GOLGA4: variants seen among roughly 807,000 people sequenced by gnomAD.
GOLGA4 encodes the protein golgin A4, also known as golgin subfamily A member 4.
GOLGA4 carries 169 observed loss-of-function variants against 265.9 expected under a neutral mutation model. That is an observed-to-expected ratio of 0.64 (90% CI 0.56 to 0.72). The LOEUF (loss-of-function observed/expected upper bound fraction) is 0.72, where lower values mean the gene tolerates loss of function less well. Among genes scored for constraint, GOLGA4 ranks in the 30% least tolerant of loss-of-function variants. The pLI, the probability that GOLGA4 is intolerant of heterozygous loss-of-function variation, is 0.00. For missense variants in GOLGA4, 2,482 were observed against 2,483.4 expected (o/e 1.00, Z 0.01); for synonymous variants, 923 against 855.8 (o/e 1.08, Z -1.37).
intron 10 of GOLGA4, among the ~76,000 whole-genome samples, chr3:37,315,215 G>C (rs2096934289): frequency 6.6e-6 from 1 of 152,166 alleles, no homozygotes; most frequent in Non-Finnish European, 1.5e-5. Flanking sequence ...TCCTAATCCA[G>C]AACTCAGTGA....
At chr3:37,341,964 C>T (rs2097036587) in intron 20 of GOLGA4, among the ~76,000 whole-genome samples, 1 of 152,078 alleles carries the variant, frequency 6.6e-6, no homozygotes, top group South Asian at 2.1e-4. Context: ...GATAATATAG[C>T]TTATCTGCTC....
intron 1 of GOLGA4, among the ~76,000 whole-genome samples, chr3:37,247,566 G>A (rs1384590457): frequency 6.6e-6 from 1 of 152,196 alleles, no homozygotes; most frequent in Non-Finnish European, 1.5e-5. Context: ...GACTGGATTA[G>A]TTTTCTAATA....
At chr3:37,281,921 A>G (rs781117347) in intron 2 of GOLGA4, 37 bp from the exon 3 acceptor site, 63 of 1,479,694 alleles carry the variant, frequency 4.3e-5, no homozygotes, top group Non-Finnish European at 5.8e-5. Context: ...AAATGTATGT[A>G]TTTTAATCCA....
At chr3:37,253,824 A>G (rs2096740554) in intron 2 of GOLGA4, among the ~76,000 whole-genome samples, 1 of 152,032 alleles carries the variant, frequency 6.6e-6, no homozygotes, top group African/African-American at 2.4e-5. Flanking sequence ...GGAGTTCGAG[A>G]CCAGCCTGAT....
chr3:37,296,912 C>T (rs2096880003), intron 7 of GOLGA4, among the ~76,000 whole-genome samples: 1 of 152,154 alleles, frequency 6.6e-6, no homozygotes. Context: ...TAGTCTGTAA[C>T]ACCACATTTT....
chr3:37,278,149 C>T (rs1045816244), intron 2 of GOLGA4, among the ~76,000 whole-genome samples: 1 of 146,646 alleles, frequency 6.8e-6, no homozygotes, highest in Non-Finnish European at 1.5e-5. Context: ...TGTTGTTAAA[C>T]ATAAAAAAAA....
intron 1 of GOLGA4, among the ~76,000 whole-genome samples, chr3:37,247,611 T>C (rs2096723004): frequency 6.6e-6 from 1 of 152,218 alleles, no homozygotes; most frequent in Admixed American, 6.5e-5. Flanking sequence ...TAGTGCCTAA[T>C]AACCCAGTTA....
chr3:37,247,955 C>T (rs2096723933), intron 1 of GOLGA4, among the ~76,000 whole-genome samples: 1 of 152,170 alleles, frequency 6.6e-6, no homozygotes, highest in Non-Finnish European at 1.5e-5. Flanking sequence ...TTAGTTTAGA[C>T]CCATCCAGGT....
intron 1 of GOLGA4, among the ~76,000 whole-genome samples, chr3:37,249,514 T>C (rs1213065593): frequency 6.6e-6 from 1 of 152,084 alleles, no homozygotes; most frequent in Admixed American, 6.5e-5. Flanking sequence ...GTTGAAGCAA[T>C]TCTCCTGCCT....
chr3:37,302,638 T>G lies in GOLGA4; in HGVS notation c.1234+306T>G, dbSNP rs147245658. The G allele has an allele frequency of 3.4e-3, 788 of 231,078 alleles. 10 individuals are homozygous for G. Among genetic ancestry groups the G allele is most frequent in the African/African-American group, 0.017 (748 of 43,538 alleles). The allele number at this position is 231,078 out of a possible 1,614,324, so 14.3% of individuals were successfully genotyped here. A position where few individuals can be genotyped will look rare whatever the true frequency, so the allele number is the denominator to read the frequency against. ...TGTGGTCTACAAAACCTAAAATATT[T>G]ATCATCTGGCCCCTTACAGAAAATG... On this transcript the variant is annotated intron_variant, in intron 10 of 23. Coordinates refer to ENST00000361924, the MANE Select transcript of GOLGA4 (RefSeq NM_002078.5).
chr3:37,361,178 A>C, intron 22 of GOLGA4, 65 bp from the exon 23 acceptor site: 3 of 1,182,700 alleles, frequency 2.5e-6, no homozygotes, highest in Non-Finnish European at 3.8e-6. Flanking sequence ...ATACACATAC[A>C]ATCTATGTGT....
intron 2 of GOLGA4, among the ~76,000 whole-genome samples, chr3:37,262,234 G>A (rs921583705): frequency 2.1e-4 from 32 of 152,156 alleles, no homozygotes; most frequent in Admixed American, 1.4e-3. Context: ...GGCCGGGCGT[G>A]GTGGCTCACG....
At chr3:37,271,470 A>C (rs2096798402) in intron 2 of GOLGA4, among the ~76,000 whole-genome samples, 1 of 152,214 alleles carries the variant, frequency 6.6e-6, no homozygotes, top group Non-Finnish European at 1.5e-5. Context: ...TATTAGGGAA[A>C]AGTTGAAACA....
Position 37,325,954 on chromosome 3 carries a change from A to G in GOLGA4, c.4068A>G (p.Thr1356=), listed in dbSNP as rs763126897. Residue 1356 remains threonine, a synonymous_variant, in exon 14 of 24, where the codon ACA becomes ACG. Transcript: ENST00000361924. ...KELSENINAV[T]LMKEELKEKK... is the part of the protein sequence containing the mutation. Reference sequence around the variant, plus strand: ...TATCTGAAAACATCAATGCTGTCACATTGATGAAAGAAGAGCTTAAAGAAA... The same window carrying G: ...TATCTGAAAACATCAATGCTGTCACGTTGATGAAAGAAGAGCTTAAAGAAA... The G allele has an allele frequency of 1.7e-5, 27 of 1,611,932 alleles. No individual in the cohort carries two copies. In the African/African-American group the frequency reaches 3.3e-4, roughly 20 times the overall value.
At chr3:37,302,460 C>T (rs1226586139) in intron 10 of GOLGA4, 128 bp downstream of exon 10, 1 of 793,352 alleles carries the variant, frequency 1.3e-6, no homozygotes, top group Non-Finnish European at 2.0e-6. Context: ...TAATAAGACA[C>T]CCATCTGCTC....
At chr3:37,339,353 A>G (rs1293894613) in intron 19 of GOLGA4, among the ~76,000 whole-genome samples, 1 of 152,204 alleles carries the variant, frequency 6.6e-6, no homozygotes, top group Admixed American at 6.5e-5. Flanking sequence ...CAGTGCTACT[A>G]AAAACATTGA....
chr3:37,262,216 T>C (rs549192294), intron 2 of GOLGA4, among the ~76,000 whole-genome samples: 13 of 152,116 alleles, frequency 8.5e-5, no homozygotes, highest in Non-Finnish European at 1.2e-4. Context: ...TTAGAAATCC[T>C]GGAAATTGGC....
intron 10 of GOLGA4, among the ~76,000 whole-genome samples, chr3:37,313,950 C>G (rs918176012): frequency 6.6e-6 from 1 of 150,766 alleles, no homozygotes; most frequent in Non-Finnish European, 1.5e-5. Flanking sequence ...CACAAATACA[C>G]GTAAACACAC....
intron 2 of GOLGA4, among the ~76,000 whole-genome samples, chr3:37,252,533 A>G (rs2150601697): frequency 6.6e-6 from 1 of 152,268 alleles, no homozygotes; most frequent in Non-Finnish European, 1.5e-5. Context: ...TAAGAAGATA[A>G]TGCTGATGGT....
Sources: allele counts gnomAD v4.1 joint callset (sites outside exome capture counted in the v4.1 genomes callset), GRCh38; gene constraint gnomAD v4.1.1; transcripts MANE v1.5; gene names NCBI Gene and HGNC (gene_info 2026-07-23, HGNC 2026-07-21).